ROBO2: variants seen among roughly 807,000 people sequenced by gnomAD.
ROBO2 encodes roundabout guidance receptor 2.
Under a neutral mutation model 160.8 loss-of-function variants are expected in ROBO2, and 53 were observed. The observed-to-expected ratio is 0.33, with a 90% confidence interval of 0.26 to 0.41. ROBO2 has a LOEUF of 0.41. Among genes scored for constraint, ROBO2 ranks in the 10% least tolerant of loss-of-function variants. The pLI, the probability that ROBO2 is intolerant of heterozygous loss-of-function variation, is 1.00. For synonymous variants in ROBO2, 664 were observed against 611.7 expected, an observed-to-expected ratio of 1.09 and a Z score of -1.26; for missense variants, 1,577 against 1,722.4, an observed-to-expected ratio of 0.92 and a Z score of 1.49.
rs946301179 is a variant in ROBO2 at position 76,829,417 on chromosome 3, G to A, written c.110-268597G>A. Among the ~76,000 whole-genome samples the A allele has an allele frequency of 5.3e-5, 8 of 151,944 alleles. 1 individual carries two copies. The highest frequency in any genetic ancestry group is 4.1e-4 in the South Asian group (2 of 4,830). On this transcript the variant is annotated intron_variant, in intron 2 of 26. Transcript: ENST00000487694. ...TGGGTGCAGCAAACCACCATGGCAC[G>A]TGTATACCTATGTAATAAACCTGCA...
intron 23 of ROBO2, chr3:77,631,256 T>C (rs2095156453): frequency 2.6e-5 from 4 of 152,138 alleles, no homozygotes; most frequent in Admixed American, 2.0e-4. Flanking sequence ...GCTTCTGTTT[T>C]CTCTGTATTG....
chr3:77,484,773 G>A (rs1170715412), intron 4 of ROBO2, among the ~76,000 whole-genome samples: 3 of 151,374 alleles, frequency 2.0e-5, no homozygotes, highest in Non-Finnish European at 4.4e-5. Context: ...CAAAACATTG[G>A]TTATATTAAT....
At chr3:75,926,506 A>C (rs1025998794) in intron 1 of ROBO2, among the ~76,000 whole-genome samples, 1 of 152,192 alleles carries the variant, frequency 6.6e-6, no homozygotes, top group Non-Finnish European at 1.5e-5. Flanking sequence ...AGAAGGTTTA[A>C]AAAATGTTTC....
chr3:76,780,244 C>T (rs1230993129), intron 2 of ROBO2, among the ~76,000 whole-genome samples: 1 of 149,426 alleles, frequency 6.7e-6, no homozygotes, highest in Non-Finnish European at 1.5e-5. Context: ...ATGTTCTTCG[C>T]CTATTTTTTA....
chr3:76,746,681 G>A (rs553184232), intron 2 of ROBO2, among the ~76,000 whole-genome samples: 94 of 152,242 alleles, frequency 6.2e-4, no homozygotes, highest in African/African-American at 2.2e-3. Context: ...GGGTACATAG[G>A]CAGGATGTTC....
intron 6 of ROBO2, among the ~76,000 whole-genome samples, chr3:77,534,226 T>C (rs2091943963): frequency 2.0e-5 from 3 of 152,122 alleles, no homozygotes; most frequent in African/African-American, 7.2e-5. Context: ...TACAGGAAAG[T>C]GAAGCCTTTA....
At chr3:77,511,607 AG>A (rs1396428833) in intron 5 of ROBO2, among the ~76,000 whole-genome samples, 1 of 151,992 alleles carries the variant, frequency 6.6e-6, no homozygotes, top group Admixed American at 6.6e-5. Flanking sequence ...AGATTAGCAT[AG>A]GGGTTTGCGT....
At chr3:76,495,423 A>C (rs2080094283) in intron 2 of ROBO2, among the ~76,000 whole-genome samples, 1 of 152,046 alleles carries the variant, frequency 6.6e-6, no homozygotes, top group Non-Finnish European at 1.5e-5. Flanking sequence ...ATATTCAGTA[A>C]GTGAAAAGCG....
intron 2 of ROBO2, among the ~76,000 whole-genome samples, chr3:77,428,626 G>C (rs1187697203): frequency 2.6e-5 from 4 of 151,874 alleles, no homozygotes; most frequent in Admixed American, 2.6e-4. Context: ...AAAGTGCTGG[G>C]ATTACAGGCG....
At chr3:76,729,929 C>T (rs572053431) in intron 2 of ROBO2, among the ~76,000 whole-genome samples, 10 of 152,182 alleles carry the variant, frequency 6.6e-5, no homozygotes, top group South Asian at 6.2e-4. Context: ...TGAGCCACTT[C>T]GCCCGGCCTA....
At chr3:76,496,930 T>C (rs761121383) in intron 2 of ROBO2, among the ~76,000 whole-genome samples, 1 of 152,204 alleles carries the variant, frequency 6.6e-6, no homozygotes, top group East Asian at 1.9e-4. Flanking sequence ...CATTACATAA[T>C]AGTCACAATG....
At chr3:77,638,550 G>A (rs1349706241) in intron 24 of ROBO2, among the ~76,000 whole-genome samples, 6 of 152,102 alleles carry the variant, frequency 3.9e-5, no homozygotes, top group African/African-American at 1.4e-4. Context: ...TGTCCCATAA[G>A]AGAGATTATG....
chr3:76,778,457 A>G (rs1334074925), intron 2 of ROBO2, among the ~76,000 whole-genome samples: 2 of 151,042 alleles, frequency 1.3e-5, no homozygotes, highest in African/African-American at 4.8e-5. Context: ...TCTATTAGCT[A>G]GTGTTCTTGA....
chr3:76,178,377 A>G (rs2073304434), intron 2 of ROBO2, among the ~76,000 whole-genome samples: 1 of 152,106 alleles, frequency 6.6e-6, no homozygotes, highest in South Asian at 2.1e-4. Flanking sequence ...CTCTAGAGGG[A>G]AAAAAAGGAG....
At chr3:77,237,927 C>T (rs1431021683) in intron 2 of ROBO2, among the ~76,000 whole-genome samples, 3 of 152,154 alleles carry the variant, frequency 2.0e-5, no homozygotes, top group Non-Finnish European at 4.4e-5. Context: ...CTGTATTTTG[C>T]CCAGTCTAAT....
At chr3:76,751,001 CA>C (rs2093976413) in intron 2 of ROBO2, among the ~76,000 whole-genome samples, 1 of 152,072 alleles carries the variant, frequency 6.6e-6, no homozygotes, top group African/African-American at 2.4e-5. Context: ...AATCCTAAGC[CA>C]AAAGAACAAA....
chr3:76,597,378 G>A (rs996374763), intron 2 of ROBO2, among the ~76,000 whole-genome samples: 10 of 152,016 alleles, frequency 6.6e-5, no homozygotes, highest in African/African-American at 2.4e-4. Context: ...GACTAATATT[G>A]AAGGTATACC....
chr3:76,101,101 A>T (rs921676078), intron 2 of ROBO2, among the ~76,000 whole-genome samples: 2 of 152,196 alleles, frequency 1.3e-5, no homozygotes, highest in African/African-American at 2.4e-5. Context: ...AAAACGTGTA[A>T]CAGGGAAACA....
chr3:76,171,344 GA>G lies in ROBO2; in HGVS notation c.109+233754del, dbSNP rs569104036. On this transcript the variant is annotated intron_variant, in intron 2 of 26. Coordinates refer to the ROBO2 transcript ENST00000487694. ...AACAAACAGAAAAAAAGAAGAAAAA[GA>G]AAAAAAAAAAACCTCTGAGGATTCT... Among the ~76,000 whole-genome samples, 501 of 133,154 alleles carry G rather than the reference GA, an allele frequency of 3.8e-3. 3 individuals are homozygous for G. Among genetic ancestry groups the G allele is most frequent in the African/African-American group, 0.011 (404 of 36,374 alleles). 87.4% of individuals were successfully genotyped at this position (133,154 alleles called of 152,430 possible).
Sources: allele counts gnomAD v4.1 joint callset (sites outside exome capture counted in the v4.1 genomes callset), GRCh38; gene constraint gnomAD v4.1.1; transcripts MANE v1.5; gene names NCBI Gene and HGNC (gene_info 2026-07-23, HGNC 2026-07-21).